The following RP1 variants were observed in gnomAD, a reference collection of about 807,000 sequenced individuals.
RP1 encodes the protein RP1 axonemal microtubule associated.
Under a neutral mutation model 14.8 loss-of-function variants are expected in RP1, and 16 were observed. The observed-to-expected ratio is 1.08, with a 90% CI of 0.73 to 1.65. The LOEUF is 1.65. Among genes scored for constraint, RP1 ranks in the 40% most tolerant of loss-of-function variants. The pLI is 0.00. For synonymous variants in RP1, 876 were observed against 883.6 expected, an observed-to-expected ratio of 0.99 and a Z score of 0.15; for missense variants, 2,631 against 2,535.0, an observed-to-expected ratio of 1.04 and a Z score of -0.81.
intron 24 of RP1, among the ~76,000 whole-genome samples, chr8:54,812,272 C>T (rs571653217): frequency 1.3e-5 from 2 of 152,276 alleles, no homozygotes; most frequent in South Asian, 4.2e-4. Flanking sequence ...TTCCGAGTAG[C>T]TGGCATTACA....
At chr8:54,747,443 C>A (rs1461841950) in intron 19 of RP1, among the ~76,000 whole-genome samples, 1 of 152,288 alleles carries the variant, frequency 6.6e-6, no homozygotes, top group Admixed American at 6.5e-5. Flanking sequence ...TGTTCATAGT[C>A]CGACTTCCAC....
At chr8:54,746,427 A>G (rs529801067) in intron 19 of RP1, among the ~76,000 whole-genome samples, 1 of 152,294 alleles carries the variant, frequency 6.6e-6, no homozygotes, top group South Asian at 2.1e-4. Flanking sequence ...TTTCAGCCAT[A>G]TTAATGCACA....
At chr8:54,830,883 C>A (rs1362751029) in intron 24 of RP1, among the ~76,000 whole-genome samples, 1 of 152,100 alleles carries the variant, frequency 6.6e-6, no homozygotes, top group African/African-American at 2.4e-5. Context: ...CCTTTCAGAG[C>A]TGGCAACCAG....
intron 26 of RP1, among the ~76,000 whole-genome samples, chr8:54,853,639 A>G (rs1043917037): frequency 6.6e-6 from 1 of 152,052 alleles, no homozygotes; most frequent in South Asian, 2.1e-4. Flanking sequence ...ATAAAATATT[A>G]TTGGAAAAAA....
intron 24 of RP1, among the ~76,000 whole-genome samples, chr8:54,834,190 A>G (rs1212784961): frequency 6.6e-6 from 1 of 152,024 alleles, no homozygotes; most frequent in Non-Finnish European, 1.5e-5. Context: ...TATTTAAGGT[A>G]CCCAGAATTA....
In RP1 at chr8:54,753,545, T is replaced by C. The variant is rs558900037; in HGVS notation, c.2809-1258T>C. 3.9e-5 allele frequency among the ~76,000 whole-genome samples: 6 copies of C among 152,292 alleles called. No individual in the cohort carries two copies. The South Asian group carries it at 1.0e-3, about 26-fold the overall frequency. On this transcript the variant is annotated intron_variant, in intron 19 of 22. Coordinates refer to the RP1 transcript ENST00000636932. ...CGGTAATGAGTCAGGATGAAAACTG[T>C]TCTAAGCAGAGCTACGAGTGTATGT... is the stretch of plus-strand genomic sequence containing the variant.
chr8:54,562,589 G>A (rs536234477), intron 1 of RP1, among the ~76,000 whole-genome samples: 1 of 151,826 alleles, frequency 6.6e-6, no homozygotes, highest in Non-Finnish European at 1.5e-5. Context: ...CAGAAGAATC[G>A]ATTGAACCCG....
chr8:54,619,482 T>C (rs1192811583), intron 1 of RP1, among the ~76,000 whole-genome samples: 1 of 152,226 alleles, frequency 6.6e-6, no homozygotes, highest in Non-Finnish European at 1.5e-5. Context: ...ATTAAAATGA[T>C]TTCAAACAAT....
chr8:54,705,819 CTT>C (rs71554175), intron 14 of RP1, among the ~76,000 whole-genome samples: 18 of 141,262 alleles, frequency 1.3e-4, no homozygotes, highest in East Asian at 2.1e-4. Flanking sequence ...CCAATTTTAG[CTT>C]TTTTTTTTTT....
upstream of RP1, among the ~76,000 whole-genome samples, chr8:54,611,743 C>G (rs1805596195): frequency 6.6e-6 from 1 of 152,056 alleles, no homozygotes; most frequent in African/African-American, 2.4e-5. Context: ...ATATACTTTC[C>G]TCTTTTTTAA....
At chr8:54,705,009 G>A (rs543456562) in intron 14 of RP1, among the ~76,000 whole-genome samples, 2 of 152,134 alleles carry the variant, frequency 1.3e-5, no homozygotes, top group Admixed American at 6.5e-5. Flanking sequence ...GGGTTAGAAC[G>A]TGAAACTTTT....
intron 1 of RP1, among the ~76,000 whole-genome samples, chr8:54,565,000 T>C (rs882200): frequency 0.8 from 121,603 of 152,142 alleles, 49,553 homozygotes; most frequent in Non-Finnish European, 0.89. Flanking sequence ...AAGTGATTCT[T>C]CTGCCTCTGC....
chr8:54,855,116 A>G (rs79175356), intron 26 of RP1, among the ~76,000 whole-genome samples: 1 of 152,156 alleles, frequency 6.6e-6, no homozygotes, highest in Non-Finnish European at 1.5e-5. Flanking sequence ...TTATGTGTCT[A>G]TGAGTTGACT....
upstream of RP1, among the ~76,000 whole-genome samples, chr8:54,614,260 C>G (rs1805661902): frequency 6.6e-6 from 1 of 152,180 alleles, no homozygotes; most frequent in Non-Finnish European, 1.5e-5. Context: ...ACAGCAGTGA[C>G]TAGACAGAAC....
At chr8:54,842,813 C>T (rs1811817728) in intron 25 of RP1, among the ~76,000 whole-genome samples, 1 of 152,206 alleles carries the variant, frequency 6.6e-6, no homozygotes, top group Non-Finnish European at 1.5e-5. Flanking sequence ...CAACTCCAGC[C>T]TCTATCTCCC....
intron 7 of RP1, among the ~76,000 whole-genome samples, chr8:54,670,699 ATATAT>A (rs1807158398): frequency 3.6e-5 from 5 of 138,628 alleles, no homozygotes; most frequent in East Asian, 2.1e-4. Context: ...ATATATATAT[ATATAT>A]ATAAAACATT....
intron 24 of RP1, among the ~76,000 whole-genome samples, chr8:54,820,020 G>T (rs1486403778): frequency 6.6e-6 from 1 of 152,150 alleles, no homozygotes; most frequent in Non-Finnish European, 1.5e-5. Context: ...GGTAAATCCT[G>T]CCAGGACTGG....
intron 1 of RP1, among the ~76,000 whole-genome samples, chr8:54,581,007 TA>T (rs1163311940): frequency 3.9e-5 from 3 of 77,158 alleles, no homozygotes; most frequent in East Asian, 2.0e-4. Flanking sequence ...TTTATCTATT[TA>T]TTTTTTTTTA....
chr8:54,791,484 A>C (rs1810464858), intron 24 of RP1, among the ~76,000 whole-genome samples: 1 of 152,200 alleles, frequency 6.6e-6, no homozygotes, highest in African/African-American at 2.4e-5. Context: ...ACTCATTTCA[A>C]TTCTAGTAGA....
Sources: allele counts gnomAD v4.1 joint callset (sites outside exome capture counted in the v4.1 genomes callset), GRCh38; gene constraint gnomAD v4.1.1; transcripts MANE v1.5; gene names NCBI Gene and HGNC (gene_info 2026-07-23, HGNC 2026-07-21).